Variants in PZP observed in about 807,000 individuals in gnomAD.
PZP encodes the protein pregnancy zone protein.
A neutral mutation model predicts 179.8 loss-of-function variants in PZP; 150 were observed. That is an observed-to-expected ratio of 0.83 (90% CI 0.73 to 0.96). The LOEUF is 0.96. Ranked by LOEUF, PZP falls within the 40% of genes least tolerant of loss-of-function variation. The pLI is 0.00. For missense variants in PZP, 1,689 were observed against 1,764.0 expected, an observed-to-expected ratio of 0.96 and a Z score of 0.76; for synonymous variants, 624 against 652.3, an observed-to-expected ratio of 0.96 and a Z score of 0.66.
In PZP at chr12:9,163,742, G is replaced by A. The variant is rs753769240; in HGVS notation, c.2662C>T (p.Leu888Phe). 1.9e-6 allele frequency: 3 copies of A among 1,613,822 alleles called. No homozygotes were observed. The Admixed American group carries it at 5.0e-5, about 27-fold the overall frequency. ...ACCTCAACAACCTCATTTCCACAGA[G>A]TTCTAAGGACTGCATTGCCTCTGCA... ...VSAEAMQSLE[L>F]CGNEVVEVPE... Residue 888 changes from leucine (L) to phenylalanine (F), a missense_variant, in exon 21 of 36, where the codon CTC becomes TTC. Physicochemically the swap from Leu to Phe is conservative, Grantham distance 22 (BLOSUM62 0). Transcript: ENST00000261336.
At chr12:9,192,855 C>A in intron 11 of PZP, 116 bp from the exon 12 acceptor site, 1 of 636,730 alleles carries the variant, frequency 1.6e-6, no homozygotes, top group South Asian at 2.3e-5. Context: ...TATGCCTCTC[C>A]CTCATACTGG....
chr12:9,179,771 A>G (rs771566170), intron 15 of PZP, among the ~76,000 whole-genome samples: 2 of 152,354 alleles, frequency 1.3e-5, no homozygotes, highest in East Asian at 1.9e-4. Flanking sequence ...AAACATGACT[A>G]TCACGTAGGT....
rs779274530 is a variant in PZP, at chr12:9,197,130, C to A, written c.756-7G>T. The A allele has an allele frequency of 3.8e-6, 6 of 1,571,034 alleles. No homozygotes were observed. The East Asian group carries it at 6.8e-5, about 18-fold the overall frequency. On this transcript the variant is annotated splice_polypyrimidine_tract_variant and splice_region_variant and intron_variant, in intron 7 of 35. Transcript: ENST00000261336. Reference sequence around the variant, plus strand: ...AGGCTTCCCATAAGTGTATCTGGTACATGAGAAATAAATCAGGAATTGAGA... The same window carrying A: ...AGGCTTCCCATAAGTGTATCTGGTAAATGAGAAATAAATCAGGAATTGAGA...
At chr12:9,169,024 T>G in intron 16 of PZP, 50 bp from the exon 17 acceptor site, 1 of 1,330,690 alleles carries the variant, frequency 7.5e-7, no homozygotes, top group East Asian at 2.3e-5. Flanking sequence ...TTAGAATATA[T>G]AAAACATATT....
chr12:9,196,593 G>T lies in PZP; in HGVS notation c.960C>A (p.Ala320=). ...TGFEMKLRVE[A]RIREEGTDLE... is the part of the protein sequence containing the mutation. ...CACCTGTCCCCTCTTCTCTGATCCT[G>T]GCTTCCACTCTAAGCTTCATTTCAA... is the stretch of plus-strand genomic sequence containing the variant. Residue 320 remains alanine (A), a synonymous_variant, in exon 9 of 36, where the codon GCC becomes GCA. Coordinates refer to ENST00000261336, the MANE Select transcript of PZP (RefSeq NM_002864.3). The T allele has an allele frequency of 6.2e-7, 1 of 1,611,206 alleles. No homozygotes were observed. The highest frequency in any genetic ancestry group is 1.1e-5 in the South Asian group (1 of 90,982).
intron 18 of PZP, among the ~76,000 whole-genome samples, chr12:9,165,605 G>A (rs1468421137): frequency 2.0e-5 from 3 of 152,098 alleles, no homozygotes; most frequent in Non-Finnish European, 4.4e-5. Context: ...TCTGTACTTT[G>A]AATAAAAATA....
chr12:9,173,521 A>G (rs1396312442), intron 15 of PZP, among the ~76,000 whole-genome samples: 1 of 152,164 alleles, frequency 6.6e-6, no homozygotes, highest in Admixed American at 6.6e-5. Flanking sequence ...TCTTAAAAAA[A>G]CAATGAATCC....
In PZP at chr12:9,169,603, G is replaced by T. The variant is rs200605479; in HGVS notation, c.1840-12C>A. 1.3e-6 allele frequency: 2 copies of T among 1,582,292 alleles called. No individual in the cohort carries two copies. Among genetic ancestry groups the T allele is most frequent in the Admixed American group, 1.9e-5 (1 of 52,934 alleles). ...AGCAGATTATATACCTGTAGCAGTG[G>T]GGGGATCAAAGGCAGAACTGTTACT... On this transcript the variant is annotated splice_polypyrimidine_tract_variant and intron_variant, in intron 15 of 35. Transcript: ENST00000261336.
Position 9,170,611 on chromosome 12 carries a change from G to T in PZP, c.1840-1020C>A, listed in dbSNP as rs1156619354. Among the ~76,000 whole-genome samples, 5 of 152,184 alleles carry T rather than the reference G, an allele frequency of 3.3e-5. No homozygotes were observed. Among genetic ancestry groups the T allele is most frequent in the African/African-American group, 4.8e-5 (2 of 41,436 alleles). The stretch of plus-strand genomic sequence containing the variant: ...ATGGACCTGAGTTCCTGCAGGGAGA[G>T]GTGGGTGCCATCTCTGTGGTTCTGA... On this transcript the variant is annotated intron_variant, in intron 15 of 35. Coordinates refer to ENST00000261336, the MANE Select transcript of PZP (RefSeq NM_002864.3). The surrounding 1 kb of genome is among the most constrained non-coding windows in gnomAD (Gnocchi z 4.6).
intron 15 of PZP, among the ~76,000 whole-genome samples, chr12:9,177,076 A>G (rs137932871): frequency 1.1e-3 from 171 of 152,336 alleles, no homozygotes; most frequent in African/African-American, 4.0e-3. Flanking sequence ...ATTGCCCACA[A>G]TAATCTCTGC....
chr12:9,161,276 C>G (rs1162244922), intron 22 of PZP, among the ~76,000 whole-genome samples, 160 bp from the exon 23 acceptor site: 4 of 152,216 alleles, frequency 2.6e-5, no homozygotes, highest in Non-Finnish European at 4.4e-5. Flanking sequence ...GGAAAAAACA[C>G]ATGTAAAACA....
intron 1 of PZP, among the ~76,000 whole-genome samples, chr12:9,205,441 T>C (rs956302843): frequency 1.3e-5 from 2 of 152,188 alleles, no homozygotes; most frequent in Non-Finnish European, 2.9e-5. Context: ...CCATTTAATC[T>C]TCCCAGCAAT....
At chr12:9,157,001 G>A (rs895035767) in intron 28 of PZP, among the ~76,000 whole-genome samples, 174 bp downstream of exon 28, 15 of 152,066 alleles carry the variant, frequency 9.9e-5, no homozygotes, top group Non-Finnish European at 1.8e-4. Flanking sequence ...GGTGTGCCAT[G>A]GTGGTTTGCT....
Position 9,194,079 on chromosome 12 carries a change from G to A in PZP, c.1252C>T (p.Arg418Trp), listed in dbSNP as rs757782402. Residue 418 changes from arginine (R) to tryptophan (W), a missense_variant and splice_region_variant, in exon 11 of 36, where the codon CGG becomes TGG. Arg to Trp is a moderately radical substitution (Grantham distance 101, BLOSUM62 -3). This residue lies in a region of PZP where 742 missense variants were observed against 730.5 expected (regional missense o/e 1.02). Coordinates refer to ENST00000261336, the MANE Select transcript of PZP (RefSeq NM_002864.3). ...GAGATTTGTCTTTCTATACTTACCC[G>A]GACAAAAAGTTTATTAACCGAGATA... ...TSISVNKLFV[R>W]VFTVHPNLCF... 7.5e-6 allele frequency: 12 copies of A among 1,610,046 alleles called. No homozygotes were observed. Among genetic ancestry groups the A allele is most frequent in the Admixed American group, 1.7e-5 (1 of 59,892 alleles).
intron 21 of PZP, 41 bp downstream of exon 21, chr12:9,163,627 T>G: frequency 1.9e-6 from 3 of 1,605,874 alleles, no homozygotes; most frequent in Non-Finnish European, 2.6e-6. Context: ...CGCCCGGTGT[T>G]GCATTCTTAC....
chr12:9,179,615 C>G (rs752348391), intron 15 of PZP, among the ~76,000 whole-genome samples: 10 of 152,026 alleles, frequency 6.6e-5, no homozygotes, highest in Non-Finnish European at 1.3e-4. Context: ...ATAAATAGTT[C>G]GATCTGTTAA....
intron 7 of PZP, 28 bp from the exon 8 acceptor site, chr12:9,197,151 T>A: frequency 6.8e-7 from 1 of 1,460,378 alleles, no homozygotes; most frequent in South Asian, 1.1e-5. Flanking sequence ...AATCAGGAAT[T>A]GAGAATGGCT....
chr12:9,196,715 C>A, intron 8 of PZP, 30 bp from the exon 9 acceptor site: 1 of 1,513,966 alleles, frequency 6.6e-7, no homozygotes, highest in South Asian at 1.1e-5. Flanking sequence ...CAATAAATGT[C>A]AAACTGATTG....
At chr12:9,153,446 T>C in intron 29 of PZP, 103 bp from the exon 30 acceptor site, 1 of 856,086 alleles carries the variant, frequency 1.2e-6, no homozygotes, top group Non-Finnish European at 1.8e-6. Context: ...GCTGGCTTTT[T>C]ACCCCTAAGG....
Sources: allele counts gnomAD v4.1 joint callset (sites outside exome capture counted in the v4.1 genomes callset), GRCh38; gene constraint gnomAD v4.1.1; regional missense constraint gnomAD v4.1.1; non-coding constraint Gnocchi (gnomAD v3.1); transcripts MANE v1.5; gene names NCBI Gene and HGNC (gene_info 2026-07-23, HGNC 2026-07-21).